AGO1: variants seen among roughly 807,000 people sequenced by gnomAD.
AGO1 encodes argonaute RISC component 1.
AGO1 carries 11 observed loss-of-function variants against 109.2 expected under a neutral mutation model. That is an observed-to-expected ratio of 0.10 (90% CI 0.06 to 0.17). The LOEUF (loss-of-function observed/expected upper bound fraction) is 0.17, where lower values mean the gene tolerates loss of function less well. Among genes scored for constraint, AGO1 ranks in the 10% least tolerant of loss-of-function variants. The pLI, the probability that AGO1 is intolerant of heterozygous loss-of-function variation, is 1.00. For synonymous variants in AGO1, 422 were observed against 418.6 expected (o/e 1.01, Z -0.10); for missense variants, 574 against 1,140.3 (o/e 0.50, Z 7.15).
chr1:35,910,826 A>G (rs1645619638), intron 12 of AGO1, among the ~76,000 whole-genome samples: 1 of 152,184 alleles, frequency 6.6e-6, no homozygotes, highest in Non-Finnish European at 1.5e-5. Flanking sequence ...GCACTTTGGG[A>G]GGCCAAGGCA....
rs200676269 is a variant in AGO1, at chr1:35,888,600, A to C, written c.199A>C (p.Arg67=). The part of the protein sequence containing the change: ...VDIKPDKCPR[R]VNREVVEYMV... Reference sequence around the variant, plus strand: ...CATCAAGCCGGATAAGTGTCCCCGTAGAGTCAACCGGTAAGTGATGCACAC... The same window carrying C: ...CATCAAGCCGGATAAGTGTCCCCGTCGAGTCAACCGGTAAGTGATGCACAC... The change falls in exon 2 of 19, where the codon AGA becomes CGA. Residue 67 remains arginine, a synonymous_variant. Transcript: ENST00000373204. The surrounding 1 kb of genome is among the most constrained non-coding windows in gnomAD (Gnocchi z 4.1). 6.2e-6 allele frequency: 10 copies of C among 1,614,254 alleles called. No individual in the cohort carries two copies. In the East Asian group the frequency reaches 2.2e-4, roughly 36 times the overall value.
At chr1:35,900,611 C>A (rs749182633) in intron 8 of AGO1, among the ~76,000 whole-genome samples, 17 of 152,190 alleles carry the variant, frequency 1.1e-4, no homozygotes, top group African/African-American at 1.4e-4. Context: ...ACTGTAATCC[C>A]AGCTACTTGG....
intron 1 of AGO1, among the ~76,000 whole-genome samples, chr1:35,870,377 A>G (rs867057479): frequency 5.3e-5 from 8 of 151,244 alleles, no homozygotes; most frequent in East Asian, 3.9e-4. Flanking sequence ...TCCGCCTCCC[A>G]GGTTCACGCC....
At chr1:35,878,254 T>A (rs1267357671), upstream of AGO1, among the ~76,000 whole-genome samples, 1 of 151,714 alleles carries the variant, frequency 6.6e-6, no homozygotes, top group Admixed American at 6.6e-5. Flanking sequence ...TGGCTAATTT[T>A]TTTTGTATTT....
chr1:35,903,592 G>A (rs767864828), intron 11 of AGO1, among the ~76,000 whole-genome samples: 41 of 152,036 alleles, frequency 2.7e-4, no homozygotes, highest in Non-Finnish European at 3.8e-4. Context: ...GCAGTGGTGC[G>A]TGCCTGTAGT....
At position 35,927,400 on chromosome 1, in the gene AGO1, C is replaced by T. The variant is rs1040176474; in HGVS notation, c.*7793C>T. 1.3e-5 allele frequency: 2 copies of T among 152,160 alleles called. No homozygotes were observed. Among genetic ancestry groups the T allele is most frequent in the Admixed American group, 1.3e-4 (2 of 15,294 alleles). 9.4% of individuals were successfully genotyped at this position (152,160 alleles called of 1,614,324 possible). A position where few individuals can be genotyped will look rare whatever the true frequency, so the allele number is the denominator to read the frequency against. On this transcript the variant is annotated 3_prime_UTR_variant, in exon 19 of 19. Transcript: ENST00000373204. ...GTTTCTTGAAATTTTTTTGCTCTGC[C>T]ATCCTCCATGTTTATCCTCACGCCA...
intron 8 of AGO1, among the ~76,000 whole-genome samples, chr1:35,899,580 AC>A (rs1324920297): frequency 6.6e-6 from 1 of 152,248 alleles, no homozygotes; most frequent in Non-Finnish European, 1.5e-5. Flanking sequence ...GAATGCTACA[AC>A]TTTAAGGCAC....
At chr1:35,914,363 G>C in intron 14 of AGO1, 89 bp downstream of exon 14, 1 of 1,058,644 alleles carries the variant, frequency 9.4e-7, no homozygotes, top group Non-Finnish European at 1.4e-6. Context: ...CTCAGCTCTG[G>C]CTCTTGAGCC....
chr1:35,925,373 A>C lies in AGO1; in HGVS notation c.*5766A>C, dbSNP rs1645907960. ...CACAACTACCACCAATTAGGAGATA[A>C]TTGTAAAAGAATAAACAAAACCTAA... On this transcript the variant is annotated 3_prime_UTR_variant, in exon 19 of 19. Coordinates refer to ENST00000373204, the MANE Select transcript of AGO1 (RefSeq NM_012199.5). 6.6e-6 allele frequency: 1 copy of C among 150,394 alleles called. No homozygotes were observed. Among genetic ancestry groups the C allele is most frequent in the Non-Finnish European group, 1.5e-5 (1 of 67,776 alleles). The allele number at this position is 150,394 out of a possible 1,614,324, so 9.3% of individuals were successfully genotyped here.
Position 35,901,183 on chromosome 1 carries a change from C to T in AGO1, c.1021-291C>T, listed in dbSNP as rs772418592. ...TTTAGTAGAGACTGGGTTGGCCAGG[C>T]TGGTCTTGAACTCCTGACCTCAAGT... On this transcript the variant is annotated intron_variant, in intron 8 of 18. Transcript: ENST00000373204. The surrounding 1 kb of genome is among the most constrained non-coding windows in gnomAD (Gnocchi z 4.8). Among the ~76,000 whole-genome samples the T allele has an allele frequency of 1.3e-5, 2 of 152,008 alleles. No homozygotes were observed. The highest frequency in any genetic ancestry group is 4.8e-5 in the African/African-American group (2 of 41,408).
At chr1:35,898,233 GATATA>G (rs1645352823) in intron 8 of AGO1, among the ~76,000 whole-genome samples, 1 of 151,810 alleles carries the variant, frequency 6.6e-6, no homozygotes, top group Non-Finnish European at 1.5e-5. Context: ...ACCTAAGAGT[GATATA>G]ATATATAACA....
chr1:35,882,974 T>C (rs748955774), upstream of AGO1: 1 of 943,372 alleles, frequency 1.1e-6, no homozygotes, highest in Non-Finnish European at 1.3e-6. This position sits in a 1 kb window ranked among gnomAD's most constrained non-coding sequence, Gnocchi z 5.1. Context: ...GACACAGGGC[T>C]GAAGGCTGCT....
Position 35,893,795 on chromosome 1 carries a change from A to G in AGO1, c.634A>G (p.Met212Val). Residue 212 changes from methionine (M) to valine (V), a missense_variant, in exon 5 of 19, where the codon ATG (methionine) becomes GTG (valine). Met to Val is a conservative substitution (Grantham distance 21). Coordinates refer to ENST00000373204, the MANE Select transcript of AGO1 (RefSeq NM_012199.5). This position sits in a 1 kb window ranked among gnomAD's most constrained non-coding sequence, Gnocchi z 5.6. ...TGTGCGCCCTGCCATGTGGAAGATG[A>G]TGCTCAACATTGATGGTGAGTGGGG... ...QSVRPAMWKM[M>V]LNIDVSATAF... 2.5e-6 allele frequency: 4 copies of G among 1,613,352 alleles called. No individual in the cohort carries two copies. Among genetic ancestry groups the G allele is most frequent in the Non-Finnish European group, 3.4e-6 (4 of 1,179,564 alleles).
rs1571378317 is a variant in AGO1, at chr1:35,917,492, A to G, written c.2029-101A>G. ...CAGCATATAAAGGGAGACTGAGCCA[A>G]AAGTTATATTACAAGTGGCAACTCC... On this transcript the variant is annotated intron_variant, in intron 15 of 18. Coordinates refer to ENST00000373204, the MANE Select transcript of AGO1 (RefSeq NM_012199.5). 3.6e-6 allele frequency: 5 copies of G among 1,381,182 alleles called. No homozygotes were observed. The East Asian group carries it at 1.2e-4, about 33-fold the overall frequency. 85.6% of individuals were successfully genotyped at this position (1,381,182 alleles called of 1,614,324 possible).
upstream of AGO1, among the ~76,000 whole-genome samples, chr1:35,879,398 A>G (rs1023069494): frequency 6.6e-6 from 1 of 152,082 alleles, no homozygotes; most frequent in African/African-American, 2.4e-5. Context: ...CTGTGAGCCA[A>G]GATCGTGCCA....
At position 35,888,073 on chromosome 1, in the gene AGO1, C is replaced by G. The variant is rs1308867691; in HGVS notation, c.26-354C>G. The stretch of plus-strand genomic sequence containing the variant: ...TAGAAATTCTTGGTCTGCTAGATAC[C>G]TGGTGGAGGCAAGTGTCTTACTCTA... On this transcript the variant is annotated intron_variant, in intron 1 of 18. Coordinates refer to ENST00000373204, the MANE Select transcript of AGO1 (RefSeq NM_012199.5). This position sits in a 1 kb window ranked among gnomAD's most constrained non-coding sequence, Gnocchi z 4.1. 6.6e-6 allele frequency among the ~76,000 whole-genome samples: 1 copy of G among 152,150 alleles called. No homozygotes were observed. The highest frequency in any genetic ancestry group is 1.5e-5 in the Non-Finnish European group (1 of 68,030).
rs576419469 is a variant in AGO1 at position 35,904,246 on chromosome 1, C to T, written c.1397+1909C>T. Among the ~76,000 whole-genome samples, 3 of 151,744 alleles carry T rather than the reference C, an allele frequency of 2.0e-5. No individual in the cohort carries two copies. The South Asian group carries it at 6.3e-4, about 32-fold the overall frequency. On this transcript the variant is annotated intron_variant, in intron 11 of 18. Transcript: ENST00000373204. Reference sequence around the variant, plus strand: ...TCAGCCTCCCAAGCAGCTGGGACCACAGGCACCCGCCACCACGCCTGGCCA... The same window carrying T: ...TCAGCCTCCCAAGCAGCTGGGACCATAGGCACCCGCCACCACGCCTGGCCA...
In AGO1 at chr1:35,893,582, T is replaced by C; in HGVS notation, c.513-92T>C. The C allele has an allele frequency of 7.3e-7, 1 of 1,369,038 alleles. No individual in the cohort carries two copies. The highest frequency in any genetic ancestry group is 9.8e-7 in the Non-Finnish European group (1 of 1,018,308). 84.8% of individuals were successfully genotyped at this position (1,369,038 alleles called of 1,614,324 possible). ...AGCTGGCATTAAAGCCCCGGTGTCC[T>C]GCCTTTCAGGCCAGGGCTCCTCCGT... On this transcript the variant is annotated intron_variant, in intron 4 of 18. Coordinates refer to ENST00000373204, the MANE Select transcript of AGO1 (RefSeq NM_012199.5). This position sits in a 1 kb window ranked among gnomAD's most constrained non-coding sequence, Gnocchi z 5.6.
In AGO1 at chr1:35,883,588, T is replaced by A. The variant is rs557279932; in HGVS notation, c.25+142T>A. 1.8e-4 allele frequency: 227 copies of A among 1,292,492 alleles called. 1 individual carries two copies. In the African/African-American group the frequency reaches 3.4e-3, roughly 19 times the overall value. 80.1% of individuals were successfully genotyped at this position (1,292,492 alleles called of 1,614,324 possible). ...GATGGGGGCCCAGTTTGAAGGAGGCTGTGTGCAGTTCCGGGGGAGAACCAT... is the reference window on the plus strand; with the variant it reads ...GATGGGGGCCCAGTTTGAAGGAGGCAGTGTGCAGTTCCGGGGGAGAACCAT... On this transcript the variant is annotated intron_variant, in intron 1 of 18. Coordinates refer to ENST00000373204, the MANE Select transcript of AGO1 (RefSeq NM_012199.5). The surrounding 1 kb of genome is among the most constrained non-coding windows in gnomAD (Gnocchi z 5.4).
Sources: gnomAD v4.1 joint callset for allele counts (sites outside exome capture counted in the v4.1 genomes callset) on GRCh38, gnomAD v4.1.1 for gene constraint, Gnocchi (gnomAD v3.1) non-coding constraint, MANE v1.5 for transcripts, NCBI Gene and HGNC (gene_info 2026-07-23, HGNC 2026-07-21) for gene names.